SGK2: variants seen among roughly 807,000 people sequenced by gnomAD.
SGK2 encodes the protein serine/threonine-protein kinase Sgk2.
Under a neutral mutation model 47.5 loss-of-function variants are expected in SGK2, and 36 were observed. The observed-to-expected ratio is 0.76, with a 90% CI of 0.58 to 1.00. SGK2 has a LOEUF of 1.00. SGK2 is among the 50% of genes least tolerant of loss of function. The pLI is 0.00. For missense variants in SGK2, 404 were observed against 467.4 expected (o/e 0.86, Z 1.25); for synonymous variants, 157 against 181.9 (o/e 0.86, Z 1.10).
rs1157845748 is a variant in SGK2, at chr20:43,572,341, G to T, written c.597+204G>T. Reference sequence around the variant, plus strand: ...ACTGCTGAGACCCAGCCAGCTAGCTGCTGGTGAAGCTCTACTGCAGTGCTA... The same window carrying T: ...ACTGCTGAGACCCAGCCAGCTAGCTTCTGGTGAAGCTCTACTGCAGTGCTA... On this transcript the variant is annotated intron_variant, in intron 9 of 12. Coordinates refer to ENST00000373100, the MANE Select transcript of SGK2 (RefSeq NM_170693.3). The surrounding 1 kb of genome is among the most constrained non-coding windows in gnomAD (Gnocchi z 4.2). Among the ~76,000 whole-genome samples, 1 of 152,224 alleles carries T rather than the reference G, an allele frequency of 6.6e-6. No homozygotes were observed. Among genetic ancestry groups the T allele is most frequent in the Admixed American group, 6.5e-5 (1 of 15,282 alleles).
At chr20:43,561,994 C>CA (rs1979415340) in intron 1 of SGK2, among the ~76,000 whole-genome samples, 1 of 152,082 alleles carries the variant, frequency 6.6e-6, no homozygotes, top group Admixed American at 6.6e-5. Context: ...AGAATGAACT[C>CA]AAAGTTGCTG....
In SGK2 at chr20:43,571,064, GGTGTGTGTGTGTGT is replaced by G. The variant is rs11467250; in HGVS notation, c.510+29_510+42del. ...GAACATTCTCTTGGACTGCCAGGTTGGTGTGTGTGTGTGTGTGTGTGTGTGTGTGTGTGTGTGTA... is the reference window on the plus strand; with the variant it reads ...GAACATTCTCTTGGACTGCCAGGTTGGTGTGTGTGTGTGTGTGTGTGTGTA... On this transcript the variant is annotated splice_donor_5th_base_variant and intron_variant, in intron 8 of 12. Coordinates refer to ENST00000373100, the MANE Select transcript of SGK2 (RefSeq NM_170693.3). 35 of 1,566,158 alleles carry G rather than the reference GGTGTGTGTGTGTGT, an allele frequency of 2.2e-5. No homozygotes were observed. In the Middle Eastern group the frequency reaches 1.1e-3, roughly 49 times the overall value.
chr20:43,566,677 G>C (rs192293898), intron 2 of SGK2, 146 bp downstream of exon 2: 1 of 618,084 alleles, frequency 1.6e-6, no homozygotes, highest in Non-Finnish European at 2.9e-6. Context: ...GAATAGAGTA[G>C]AGATTTGAAA....
intron 1 of SGK2, 137 bp from the exon 2 acceptor site, chr20:43,566,336 G>T (rs373813785): frequency 6.2e-7 from 1 of 1,611,912 alleles, no homozygotes; most frequent in South Asian, 1.1e-5. Context: ...TGCTTACCTC[G>T]GGTAGGAAAC....
intron 6 of SGK2, 109 bp downstream of exon 6, chr20:43,569,625 A>C: frequency 7.7e-7 from 1 of 1,305,150 alleles, no homozygotes; most frequent in Non-Finnish European, 1.1e-6. Context: ...TTCATCTTAC[A>C]ATAGACCCAT....
chr20:43,561,456 C>G (rs1459774995), intron 1 of SGK2, among the ~76,000 whole-genome samples: 1 of 141,232 alleles, frequency 7.1e-6, no homozygotes, highest in Non-Finnish European at 1.5e-5. Flanking sequence ...GTGGCGTGAT[C>G]TCAGCTCACT....
Position 43,584,978 on chromosome 20 carries a change from T to C in SGK2, c.1066T>C (p.Ser356Pro), listed in dbSNP as rs748188805. 2 of 1,614,034 alleles carry C rather than the reference T, an allele frequency of 1.2e-6. No individual in the cohort carries two copies. The highest frequency in any genetic ancestry group is 1.7e-5 in the Admixed American group (1 of 59,988). ...SGASSAFLGFSYAPEDDDILD... is the reference protein window; with the variant it reads ...SGASSAFLGFPYAPEDDDILD... ...GGCCTCAAGTGCATTCCTGGGATTT[T>C]CTTATGCGCCAGAGGATGATGACAT... The change falls in exon 13 of 13, where the codon TCT (serine) becomes CCT (proline). Residue 356 changes from serine to proline, a missense_variant. By Grantham distance (74) the Ser-to-Pro change is moderately conservative. Transcript: ENST00000373100.
At chr20:43,570,298 T>C (rs2145541106) in intron 6 of SGK2, among the ~76,000 whole-genome samples, 1 of 152,324 alleles carries the variant, frequency 6.6e-6, no homozygotes, top group East Asian at 1.9e-4. Flanking sequence ...CCCTCCTAGC[T>C]TCCTCTTACA....
intron 6 of SGK2, among the ~76,000 whole-genome samples, chr20:43,570,067 G>A (rs544773572): frequency 6.6e-6 from 1 of 152,164 alleles, no homozygotes; most frequent in African/African-American, 2.4e-5. Context: ...TAAGAGGGGG[G>A]TTTTTGTCCT....
intron 7 of SGK2, 96 bp downstream of exon 7, chr20:43,570,825 G>T: frequency 7.8e-7 from 1 of 1,276,296 alleles, no homozygotes; most frequent in Non-Finnish European, 1.1e-6. Context: ...AATCCTGGTG[G>T]ACTTGGTCCT....
In SGK2 at chr20:43,576,395, G is replaced by C; in HGVS notation, c.849+16G>C. The stretch of plus-strand genomic sequence containing the variant: ...AGCAGACTTTGTAGGTGACCTACCA[G>C]TGGAGCACTGGCCCCCATGGGGCTC... On this transcript the variant is annotated intron_variant, in intron 11 of 12. Coordinates refer to ENST00000373100, the MANE Select transcript of SGK2 (RefSeq NM_170693.3). 1 of 1,611,762 alleles carries C rather than the reference G, an allele frequency of 6.2e-7. No individual in the cohort carries two copies. Among genetic ancestry groups the C allele is most frequent in the Non-Finnish European group, 8.5e-7 (1 of 1,178,610 alleles).
intron 10 of SGK2, among the ~76,000 whole-genome samples, chr20:43,575,754 G>A (rs879703786): frequency 2.0e-5 from 3 of 152,120 alleles, no homozygotes; most frequent in African/African-American, 4.8e-5. Flanking sequence ...AGGCTCTGTG[G>A]ATTAAGGGGA....
chr20:43,570,254 C>G (rs950376227), intron 6 of SGK2, among the ~76,000 whole-genome samples: 7 of 152,200 alleles, frequency 4.6e-5, no homozygotes, highest in African/African-American at 1.7e-4. Context: ...TTATAAGCTA[C>G]ATGACCTTGG....
intron 12 of SGK2, among the ~76,000 whole-genome samples, chr20:43,581,745 T>C (rs1601002257): frequency 6.6e-6 from 1 of 152,228 alleles, no homozygotes; most frequent in East Asian, 1.9e-4. Flanking sequence ...GCCAGGCTGG[T>C]CTCGAACTCC....
Position 43,574,965 on chromosome 20 carries a change from G to T in SGK2, c.654G>T (p.Trp218Cys), listed in dbSNP as rs576244474. ...CTTATGATCGAGCAGTGGACTGGTG[G>T]TGCTTGGGGGCAGTCCTCTACGAGA... ...KEPYDRAVDW[W>C]CLGAVLYEML... Residue 218 changes from tryptophan to cysteine, a missense_variant, in exon 10 of 13, where the codon TGG becomes TGT. Coordinates refer to ENST00000373100, the MANE Select transcript of SGK2 (RefSeq NM_170693.3). The T allele has an allele frequency of 1.2e-6, 2 of 1,613,852 alleles. No individual in the cohort carries two copies. The highest frequency in any genetic ancestry group is 1.7e-6 in the Non-Finnish European group (2 of 1,179,830).
rs1980211887 is a variant in SGK2 at position 43,572,613 on chromosome 20, G to A, written c.597+476G>A. On this transcript the variant is annotated intron_variant, in intron 9 of 12. Coordinates refer to ENST00000373100, the MANE Select transcript of SGK2 (RefSeq NM_170693.3). The surrounding 1 kb of genome is among the most constrained non-coding windows in gnomAD (Gnocchi z 4.2). ...AATCGCTTGAATACAGGAGGCAGAG[G>A]TTGCAGTGAGCCAAGACTGTGCCAC... 6.6e-6 allele frequency among the ~76,000 whole-genome samples: 1 copy of A among 152,058 alleles called. No homozygotes were observed. The highest frequency in any genetic ancestry group is 1.5e-5 in the Non-Finnish European group (1 of 68,020).
chr20:43,583,408 C>G, intron 12 of SGK2: 5 of 1,218,550 alleles, frequency 4.1e-6, no homozygotes, highest in Non-Finnish European at 5.2e-6. Context: ...CTTCTACAGT[C>G]ACACAACTAA....
chr20:43,582,169 TCCTGAGTACCTCAGCC>T, intron 12 of SGK2, among the ~76,000 whole-genome samples: 1 of 4,110 alleles, frequency 2.4e-4, no homozygotes, highest in East Asian at 0.01. Flanking sequence ...TACCTCAGCC[TCCTGAGTACCTCAGCC>T]TCCTGAGTAG....
chr20:43,571,059 AGGTT>A lies in SGK2; in HGVS notation c.510+3_510+6del. Reference sequence around the variant, plus strand: ...CCAGAGAACATTCTCTTGGACTGCCAGGTTGGTGTGTGTGTGTGTGTGTGTGTGT... The same window carrying A: ...CCAGAGAACATTCTCTTGGACTGCCAGGTGTGTGTGTGTGTGTGTGTGTGT... On this transcript the variant is annotated splice_donor_variant and splice_donor_region_variant and coding_sequence_variant and intron_variant, in exon 8 of 13. Transcript: ENST00000373100. LOFTEE classifies it high-confidence loss of function. The A allele has an allele frequency of 6.4e-7, 1 of 1,559,848 alleles. No individual in the cohort carries two copies. The highest frequency in any genetic ancestry group is 8.6e-7 in the Non-Finnish European group (1 of 1,159,546).
Sources: allele counts gnomAD v4.1 joint callset (sites outside exome capture counted in the v4.1 genomes callset), GRCh38; gene constraint gnomAD v4.1.1; non-coding constraint Gnocchi (gnomAD v3.1); transcripts MANE v1.5; gene names NCBI Gene and HGNC (gene_info 2026-07-23, HGNC 2026-07-21).